ACACA: variants seen among roughly 807,000 people sequenced by gnomAD.
ACACA encodes acetyl-CoA carboxylase alpha.
In ACACA, 103 loss-of-function variants were observed where a neutral mutation model predicts 296.1. The observed-to-expected ratio is 0.35, with a 90% CI of 0.30 to 0.41. The LOEUF is 0.41. ACACA is among the 10% of genes least tolerant of loss of function. ACACA has a pLI of 1.00. For missense variants in ACACA, 1,554 were observed against 2,989.7 expected, an observed-to-expected ratio of 0.52 and a Z score of 11.20; for synonymous variants, 953 against 1,038.6, an observed-to-expected ratio of 0.92 and a Z score of 1.58.
rs1432457498 is a variant in ACACA at position 37,087,013 on chromosome 17, T to TAAGA, written c.*299_*302dup. ...GGAGGGGCAGCCCTACTTTGGTTAG[T>TAAGA]AAGACCTCATGGTACATGTTTGTAC... On this transcript the variant is annotated 3_prime_UTR_variant, in exon 56 of 56. Transcript: ENST00000616317. 6.5e-6 allele frequency: 3 copies of TAAGA among 462,802 alleles called. No individual in the cohort carries two copies. Among genetic ancestry groups the TAAGA allele is most frequent in the African/African-American group, 5.9e-5 (3 of 50,648 alleles). 28.7% of individuals were successfully genotyped at this position (462,802 alleles called of 1,614,324 possible). A position where few individuals can be genotyped will look rare whatever the true frequency, so the allele number is the denominator to read the frequency against.
Position 37,251,991 on chromosome 17 carries a change from G to C in ACACA, c.2081+14C>G, listed in dbSNP as rs763487585. 31 of 1,610,512 alleles carry C rather than the reference G, an allele frequency of 1.9e-5. No homozygotes were observed. The highest frequency in any genetic ancestry group is 2.5e-5 in the Non-Finnish European group (30 of 1,176,652). ...ATTGATTAGTTTGTGTAGCCTACAA[G>C]AAACAAAGCCTACCTTTCTAAGGAG... On this transcript the variant is annotated intron_variant, in intron 16 of 55. Transcript: ENST00000616317.
rs78404723 is a variant in ACACA, at chr17:37,327,733, T to C, written c.338+2440A>G. ...ACTGGACAGATTTCTCAAGGTGCTG[T>C]GTGGTTTTATGGATTTAGAGTTAAA... On this transcript the variant is annotated intron_variant, in intron 3 of 55. Coordinates refer to ENST00000616317, the MANE Select transcript of ACACA (RefSeq NM_198834.3). Among the ~76,000 whole-genome samples, 12 of 152,350 alleles carry C rather than the reference T, an allele frequency of 7.9e-5. No homozygotes were observed. In the East Asian group the frequency reaches 2.3e-3, roughly 29 times the overall value.
At chr17:37,293,518 G>A (rs888814063) in intron 3 of ACACA, among the ~76,000 whole-genome samples, 12 of 149,372 alleles carry the variant, frequency 8.0e-5, no homozygotes, top group Non-Finnish European at 1.6e-4. Flanking sequence ...TATTCAATGA[G>A]CATCAAAAAT....
intron 3 of ACACA, among the ~76,000 whole-genome samples, chr17:37,324,831 G>A (rs34687448): frequency 0.39 from 46,904 of 119,934 alleles, 10,012 homozygotes; most frequent in African/African-American, 0.63. Flanking sequence ...GTGAAACTCC[G>A]ACTCAAAAAA....
chr17:37,359,127 C>T, intron 1 of ACACA: 1 of 985,364 alleles, frequency 1.0e-6, no homozygotes, highest in East Asian at 1.1e-4. Flanking sequence ...GCCCGGCACA[C>T]GGAGAAGGGG....
chr17:37,271,693 G>A (rs953241980), intron 9 of ACACA, among the ~76,000 whole-genome samples: 1 of 151,916 alleles, frequency 6.6e-6, no homozygotes, highest in African/African-American at 2.4e-5. Context: ...AGTGGGGTTG[G>A]GCGTAGTGGC....
rs976885659 is a variant in ACACA, at chr17:37,299,894, G to A, written c.339-14924C>T. On this transcript the variant is annotated intron_variant, in intron 3 of 55. Transcript: ENST00000616317. ...AGCTCGGTCTAAAGAGGTAATTTCT[G>A]AGATCCAATCAAAACAAATAATACC... 9 of 704,322 alleles carry A rather than the reference G, an allele frequency of 1.3e-5. No individual in the cohort carries two copies. In the African/African-American group the frequency reaches 1.7e-4, roughly 14 times the overall value. 43.6% of individuals were successfully genotyped at this position (704,322 alleles called of 1,614,324 possible). A position where few individuals can be genotyped will look rare whatever the true frequency, so the allele number is the denominator to read the frequency against.
chr17:37,243,310 C>T, intron 22 of ACACA, 61 bp downstream of exon 22: 1 of 1,516,424 alleles, frequency 6.6e-7, no homozygotes. Flanking sequence ...AGGAAGGAAT[C>T]CTACAACATA....
At chr17:37,114,528 C>CT (rs1452097076) in intron 50 of ACACA, among the ~76,000 whole-genome samples, 53 of 127,292 alleles carry the variant, frequency 4.2e-4, no homozygotes, top group African/African-American at 1.8e-3. Context: ...AAGGCCCTGC[C>CT]TTTAAAAAAA....
intron 3 of ACACA, among the ~76,000 whole-genome samples, chr17:37,311,522 C>T (rs1696976407): frequency 1.3e-5 from 2 of 151,914 alleles, no homozygotes; most frequent in Non-Finnish European, 2.9e-5. Context: ...AGAAGAATTA[C>T]TAGATAGTCT....
At chr17:37,224,408 G>A (rs911490331) in intron 27 of ACACA, among the ~76,000 whole-genome samples, 6 of 151,964 alleles carry the variant, frequency 3.9e-5, no homozygotes, top group African/African-American at 1.5e-4. Flanking sequence ...TTGTTTCCAG[G>A]TAGAAAAATA....
At chr17:37,368,622 C>T (rs2049693058) in intron 1 of ACACA, 1 of 152,154 alleles carries the variant, frequency 6.6e-6, no homozygotes, top group South Asian at 2.1e-4. Context: ...GTTCACCAAC[C>T]CATCCGCCCC....
At chr17:37,179,464 T>A in intron 40 of ACACA, 58 bp from the exon 41 acceptor site, 5 of 1,582,072 alleles carry the variant, frequency 3.2e-6, no homozygotes, top group Non-Finnish European at 4.3e-6. Context: ...TAGACAAAAA[T>A]AATTATTAAG....
intron 23 of ACACA, among the ~76,000 whole-genome samples, chr17:37,240,851 T>A (rs1241504481): frequency 2.0e-5 from 3 of 152,118 alleles, no homozygotes; most frequent in Admixed American, 6.6e-5. Context: ...ACCATACTCT[T>A]GAAATGGCTG....
intron 45 of ACACA, among the ~76,000 whole-genome samples, chr17:37,142,605 G>C (rs935050514): frequency 2.0e-5 from 3 of 152,214 alleles, no homozygotes; most frequent in East Asian, 3.8e-4. Flanking sequence ...TACAGGGACT[G>C]TCTATTGTGA....
At chr17:37,299,439 A>G in intron 3 of ACACA, 2 of 1,595,480 alleles carry the variant, frequency 1.3e-6, no homozygotes, top group Non-Finnish European at 1.7e-6. Flanking sequence ...GGAGGACAAG[A>G]GATACTGTGC....
At chr17:37,103,310 G>A (rs2073472057) in intron 52 of ACACA, among the ~76,000 whole-genome samples, 1 of 152,190 alleles carries the variant, frequency 6.6e-6, no homozygotes, top group Non-Finnish European at 1.5e-5. Context: ...TGAGGAGGGG[G>A]ATAAAGAGTG....
chr17:37,312,493 A>G (rs1043175306), intron 3 of ACACA, among the ~76,000 whole-genome samples: 1 of 152,256 alleles, frequency 6.6e-6, no homozygotes, highest in Non-Finnish European at 1.5e-5. Flanking sequence ...GTTTGGTTAC[A>G]TAAGATAAAT....
intron 11 of ACACA, among the ~76,000 whole-genome samples, chr17:37,260,249 CATATATATATATATATATAT>C (rs1172232844): frequency 2.3e-4 from 7 of 30,500 alleles, no homozygotes; most frequent in Admixed American, 6.4e-4. Context: ...ACTCCCAAGT[CATATATATATATATATATAT>C]ATATATATAT....
Sources: allele counts gnomAD v4.1 joint callset (sites outside exome capture counted in the v4.1 genomes callset), GRCh38; gene constraint gnomAD v4.1.1; transcripts MANE v1.5; gene names NCBI Gene and HGNC (gene_info 2026-07-23, HGNC 2026-07-21).